HABP2: variants seen among roughly 807,000 people sequenced by gnomAD.
HABP2 encodes hyaluronan binding protein 2.
Under a neutral mutation model 66.5 loss-of-function variants are expected in HABP2, and 65 were observed. The observed-to-expected ratio is 0.98, with a 90% CI of 0.80 to 1.20. HABP2 has a LOEUF of 1.20. Among genes scored for constraint, HABP2 ranks in the 50% most tolerant of loss-of-function variants. HABP2 has a pLI of 0.00. For synonymous variants in HABP2, 263 were observed against 253.9 expected (o/e 1.04, Z -0.34); for missense variants, 786 against 691.0 (o/e 1.14, Z -1.54).
chr10:113,573,873 G>A (rs748755858), intron 2 of HABP2, among the ~76,000 whole-genome samples: 31 of 152,188 alleles, frequency 2.0e-4, no homozygotes, highest in Non-Finnish European at 3.7e-4. Context: ...AGGCACTCAA[G>A]TATAGTGTGA....
At chr10:113,551,787 CAG>C (rs1304793973), upstream of HABP2, among the ~76,000 whole-genome samples, 9 of 151,946 alleles carry the variant, frequency 5.9e-5, no homozygotes, top group East Asian at 1.2e-3. Context: ...GCCTGGATGA[CAG>C]AGTGAGACTC....
chr10:113,581,352 G>T (rs554515192), intron 8 of HABP2, among the ~76,000 whole-genome samples: 2 of 152,288 alleles, frequency 1.3e-5, no homozygotes, highest in South Asian at 4.2e-4. Flanking sequence ...TAAGGAACAG[G>T]ACAAGGCACC....
intron 2 of HABP2, among the ~76,000 whole-genome samples, chr10:113,570,704 C>T (rs534845464): frequency 6.6e-6 from 1 of 152,326 alleles, no homozygotes; most frequent in African/African-American, 2.4e-5. Context: ...CTGAAATTCC[C>T]TATTTGCTCT....
chr10:113,581,891 AG>A lies in HABP2; in HGVS notation c.856del (p.Glu286LysfsTer21), dbSNP rs762131409. 3.1e-6 allele frequency: 5 copies of A among 1,614,062 alleles called. No individual in the cohort carries two copies. The highest frequency in any genetic ancestry group is 3.3e-5 in the Admixed American group (2 of 59,996). On this transcript the variant is annotated frameshift_variant, in exon 9 of 13. Transcript: ENST00000351270. LOFTEE classifies it high-confidence loss of function. ...ACSAQDVAYP[E>X]ESPTEPSTKL... ...TGTCCCACAGACGTTGCCTACCCAG[AG>A]GAAAGCCCCACTGAGCCATCAACCA... is the stretch of plus-strand genomic sequence containing the variant.
chr10:113,574,342 A>T lies in HABP2; in HGVS notation c.160A>T (p.Asn54Tyr). The T allele has an allele frequency of 6.2e-7, 1 of 1,609,282 alleles. No individual in the cohort carries two copies. Among genetic ancestry groups the T allele is most frequent in the Middle Eastern group, 1.6e-4 (1 of 6,062 alleles). The change falls in exon 3 of 13, where the codon AAC becomes TAC. Residue 54 changes from asparagine to tyrosine, a missense_variant. Physicochemically the swap from Asn to Tyr is moderately radical, Grantham distance 143. Coordinates refer to ENST00000351270, the MANE Select transcript of HABP2 (RefSeq NM_004132.5). Reference protein sequence around the residue: ...YSYEDYNQEENTSSTLTHAEN... With the variant: ...YSYEDYNQEEYTSSTLTHAEN... ...CTACGAGGATTATAATCAGGAAGAG[A>T]ACACCAGTAGCACACTTACCCACGC...
chr10:113,580,253 C>T (rs1343656490), intron 7 of HABP2, among the ~76,000 whole-genome samples: 1 of 152,146 alleles, frequency 6.6e-6, no homozygotes, highest in Non-Finnish European at 1.5e-5. Flanking sequence ...ACCCAACTCT[C>T]ACCATGTTTA....
In HABP2 at chr10:113,582,973, CT is replaced by C. The variant is rs566910302; in HGVS notation, c.1095-242del. 2.6e-3 allele frequency among the ~76,000 whole-genome samples: 398 copies of C among 152,286 alleles called. 3 individuals are homozygous for C. Among genetic ancestry groups the C allele is most frequent in the African/African-American group, 9.1e-3 (380 of 41,554 alleles). On this transcript the variant is annotated intron_variant, in intron 9 of 12. Coordinates refer to ENST00000351270, the MANE Select transcript of HABP2 (RefSeq NM_004132.5). ...GGCAATGGCTGTTTCTTTGGAAGGC[CT>C]AGGGAGAATGGGAGGTCTCCCATGA...
In HABP2 at chr10:113,588,239, A is replaced by T. The variant is rs1275125384; in HGVS notation, c.1553A>T (p.Asp518Val). 1 of 1,612,994 alleles carries T rather than the reference A, an allele frequency of 6.2e-7. No individual in the cohort carries two copies. The highest frequency in any genetic ancestry group is 1.1e-5 in the South Asian group (1 of 90,872). ...DSGGPLTCEK[D>V]GTYYVYGIVS... Reference sequence around the variant, plus strand: ...GGAGGCCCCCTGACCTGTGAGAAGGACGGCACCTACTACGTCTATGGGATA... The same window carrying T: ...GGAGGCCCCCTGACCTGTGAGAAGGTCGGCACCTACTACGTCTATGGGATA... Residue 518 changes from aspartate (D) to valine (V), a missense_variant, in exon 13 of 13, where the codon GAC (aspartate) becomes GTC (valine). Transcript: ENST00000351270.
intron 4 of HABP2, 144 bp from the exon 5 acceptor site, chr10:113,577,005 TG>T: frequency 1.6e-6 from 1 of 627,210 alleles, no homozygotes; most frequent in Non-Finnish European, 2.9e-6. Context: ...ACAGAAGCCT[TG>T]TCCTGGCATA....
Position 113,573,060 on chromosome 10 carries a change from C to T in HABP2, c.107-1229C>T, listed in dbSNP as rs11575735. 3.8e-3 allele frequency among the ~76,000 whole-genome samples: 572 copies of T among 152,288 alleles called. 4 individuals are homozygous for T. Among genetic ancestry groups the T allele is most frequent in the African/African-American group, 0.013 (552 of 41,560 alleles). ...GCCATCAGCTGGCTCCGTAGGAGTG[C>T]CTTTTCAAGTCAGCTATCTGCATTT... On this transcript the variant is annotated intron_variant, in intron 2 of 12. Transcript: ENST00000351270.
intron 11 of HABP2, among the ~76,000 whole-genome samples, chr10:113,585,030 G>T (rs932652): frequency 0.42 from 64,088 of 152,078 alleles, 13,673 homozygotes; most frequent in Admixed American, 0.49. Context: ...CCTTAATAAT[G>T]AATAGCGAGA....
intron 12 of HABP2, among the ~76,000 whole-genome samples, chr10:113,587,844 A>G (rs1845681919): frequency 6.6e-6 from 1 of 152,050 alleles, no homozygotes; most frequent in South Asian, 2.1e-4. Flanking sequence ...CCCATAGACC[A>G]TGCTGAGCAC....
intron 1 of HABP2, 91 bp from the exon 2 acceptor site, chr10:113,567,398 C>T (rs764932622): frequency 4.1e-5 from 39 of 946,426 alleles, no homozygotes; most frequent in Non-Finnish European, 6.0e-5. Context: ...TGCACCTGCA[C>T]CCCATACGAT....
rs1437215196 is a variant in HABP2, at chr10:113,588,275, G to A, written c.1589G>A (p.Gly530Asp). ...TYYVYGIVSW[G>D]LECGKRPGVY... is the part of the protein sequence containing the mutation. Reference sequence around the variant, plus strand: ...TACGTCTATGGGATAGTGAGCTGGGGCCTGGAGTGTGGGAAGAGGCCAGGG... The same window carrying A: ...TACGTCTATGGGATAGTGAGCTGGGACCTGGAGTGTGGGAAGAGGCCAGGG... The change falls in exon 13 of 13, where the codon GGC (glycine) becomes GAC (aspartate). Residue 530 changes from glycine (G) to aspartate (D), a missense_variant. By Grantham distance (94) the Gly-to-Asp change is moderately conservative. Transcript: ENST00000351270. 6.2e-7 allele frequency: 1 copy of A among 1,613,724 alleles called. No homozygotes were observed. The highest frequency in any genetic ancestry group is 8.5e-7 in the Non-Finnish European group (1 of 1,179,756).
chr10:113,561,253 C>T (rs530814819), intron 1 of HABP2, among the ~76,000 whole-genome samples: 48 of 152,274 alleles, frequency 3.2e-4, no homozygotes, highest in African/African-American at 1.1e-3. Flanking sequence ...GTGATGATTT[C>T]AACTCAGGCT....
chr10:113,572,301 T>A (rs1845328399), intron 2 of HABP2, among the ~76,000 whole-genome samples: 1 of 152,230 alleles, frequency 6.6e-6, no homozygotes, highest in Non-Finnish European at 1.5e-5. Flanking sequence ...ATTTCATTCA[T>A]CCCTCGTCAC....
At chr10:113,561,319 G>T (rs1262450905) in intron 1 of HABP2, among the ~76,000 whole-genome samples, 2 of 152,064 alleles carry the variant, frequency 1.3e-5, no homozygotes, top group African/African-American at 4.8e-5. Flanking sequence ...CATGAGGGAG[G>T]ATTTGGCCTG....
At chr10:113,574,775 AG>A (rs1377940152) in intron 3 of HABP2, among the ~76,000 whole-genome samples, 1 of 152,224 alleles carries the variant, frequency 6.6e-6, no homozygotes. Context: ...CTAAGGATGC[AG>A]GAAGTCCATG....
chr10:113,561,904 G>C (rs1018855113), intron 1 of HABP2, among the ~76,000 whole-genome samples: 2 of 152,200 alleles, frequency 1.3e-5, no homozygotes, highest in African/African-American at 4.8e-5. Flanking sequence ...CCCACAAGGA[G>C]ATTACACTGT....
Sources: gnomAD v4.1 joint callset for allele counts (sites outside exome capture counted in the v4.1 genomes callset) on GRCh38, gnomAD v4.1.1 for gene constraint, MANE v1.5 for transcripts, NCBI Gene and HGNC (gene_info 2026-07-23, HGNC 2026-07-21) for gene names.